Variants in OPCML observed in about 807,000 individuals in gnomAD.
The protein encoded by OPCML is opioid binding protein/cell adhesion molecule like, also known as opioid-binding protein/cell adhesion molecule.
A neutral mutation model predicts 37.8 loss-of-function variants in OPCML; 13 were observed. The observed-to-expected ratio is 0.34, with a 90% CI of 0.22 to 0.55. The LOEUF (loss-of-function observed/expected upper bound fraction) is 0.55, where lower values mean the gene tolerates loss of function less well. Ranked by LOEUF, OPCML falls within the 20% of genes least tolerant of loss-of-function variation. The pLI, the probability that OPCML is intolerant of heterozygous loss-of-function variation, is 0.91. For synonymous variants in OPCML, 176 were observed against 168.8 expected (o/e 1.04, Z -0.33); for missense variants, 341 against 435.6 (o/e 0.78, Z 1.93).
intron 4 of OPCML, among the ~76,000 whole-genome samples, chr11:132,455,620 G>T (rs2096080131): frequency 6.6e-6 from 1 of 152,102 alleles, no homozygotes; most frequent in Non-Finnish European, 1.5e-5. Context: ...TTTCAAAACG[G>T]TCTCAGTGTA....
chr11:132,701,394 A>G (rs1252529253), intron 2 of OPCML, among the ~76,000 whole-genome samples: 1 of 152,180 alleles, frequency 6.6e-6, no homozygotes, highest in Non-Finnish European at 1.5e-5. Flanking sequence ...AACCATATCA[A>G]TGACCATTTT....
At chr11:133,477,067 A>C (rs555208802) in intron 1 of OPCML, among the ~76,000 whole-genome samples, 1 of 152,286 alleles carries the variant, frequency 6.6e-6, no homozygotes, top group African/African-American at 2.4e-5. Context: ...GAGGTTTGCC[A>C]CAGGAAGGTC....
At chr11:132,847,319 T>A (rs558009434) in intron 2 of OPCML, among the ~76,000 whole-genome samples, 1 of 152,286 alleles carries the variant, frequency 6.6e-6, no homozygotes, top group South Asian at 2.1e-4. Flanking sequence ...TAGATGTATA[T>A]CCATTGCATT....
At position 133,156,025 on chromosome 11, in the gene OPCML, C is replaced by T. The variant is rs550352585; in HGVS notation, c.62-213015G>A. Among the ~76,000 whole-genome samples, 5 of 152,278 alleles carry T rather than the reference C, an allele frequency of 3.3e-5. No homozygotes were observed. In the East Asian group the frequency reaches 9.7e-4, roughly 29 times the overall value. Reference sequence around the variant, plus strand: ...ATCGGAGAGCAAGACACTCTGCCACCAGTATTCATTTCTCACCAGTCCATT... The same window carrying T: ...ATCGGAGAGCAAGACACTCTGCCACTAGTATTCATTTCTCACCAGTCCATT... On this transcript the variant is annotated intron_variant, in intron 1 of 7. Coordinates refer to ENST00000524381, the MANE Select transcript of OPCML (RefSeq NM_001012393.5).
intron 2 of OPCML, among the ~76,000 whole-genome samples, chr11:132,687,970 C>T (rs1427953497): frequency 1.3e-5 from 2 of 152,214 alleles, no homozygotes; most frequent in East Asian, 3.9e-4. Context: ...CTTAAAAAAT[C>T]TAGGGATAAC....
chr11:133,425,588 T>G (rs912971450), intron 1 of OPCML, among the ~76,000 whole-genome samples: 1 of 152,182 alleles, frequency 6.6e-6, no homozygotes, highest in Non-Finnish European at 1.5e-5. Flanking sequence ...ACAACTTCTA[T>G]CCTTACAACA....
intron 1 of OPCML, among the ~76,000 whole-genome samples, chr11:133,128,424 C>T (rs1164921072): frequency 6.6e-6 from 1 of 152,182 alleles, no homozygotes; most frequent in Non-Finnish European, 1.5e-5. Context: ...GGGGAATAAT[C>T]TCCAGAAAGG....
Position 132,559,414 on chromosome 11 carries a change from AAGC to A in OPCML, c.380-30231_380-30229del, listed in dbSNP as rs1315333029. On this transcript the variant is annotated intron_variant, in intron 3 of 7. Coordinates refer to ENST00000524381, the MANE Select transcript of OPCML (RefSeq NM_001012393.5). ...CAGGGTCACAGGATACATTTATCAGAAGCTTTTAAGGAAGTGTTTAAGAGCAGC... is the reference window on the plus strand; with the variant it reads ...CAGGGTCACAGGATACATTTATCAGATTTTAAGGAAGTGTTTAAGAGCAGC... 2.0e-5 allele frequency among the ~76,000 whole-genome samples: 3 copies of A among 152,186 alleles called. No individual in the cohort carries two copies. The East Asian group carries it at 5.8e-4, about 29-fold the overall frequency.
chr11:132,835,473 C>A (rs189345536), intron 2 of OPCML, among the ~76,000 whole-genome samples: 95 of 152,296 alleles, frequency 6.2e-4, no homozygotes, highest in Non-Finnish European at 1.0e-3. Context: ...TTGTCTAGAA[C>A]CAGAGTCTGT....
chr11:133,288,091 G>A (rs1032754927), intron 1 of OPCML, among the ~76,000 whole-genome samples: 2 of 152,210 alleles, frequency 1.3e-5, no homozygotes, highest in Non-Finnish European at 2.9e-5. Context: ...CTTATTGTGT[G>A]TCCATGATAG....
chr11:132,429,918 A>G (rs569068069), intron 7 of OPCML, among the ~76,000 whole-genome samples: 39 of 152,244 alleles, frequency 2.6e-4, no homozygotes, highest in African/African-American at 9.4e-4. Flanking sequence ...CTGATAGGGC[A>G]GGTGCCGGAG....
chr11:133,319,153 C>T (rs1285089400), intron 1 of OPCML, among the ~76,000 whole-genome samples: 3 of 152,192 alleles, frequency 2.0e-5, no homozygotes, highest in Non-Finnish European at 2.9e-5. Flanking sequence ...TTTTAAATTT[C>T]ATTTTCACCT....
chr11:133,032,628 T>A, intron 1 of OPCML, among the ~76,000 whole-genome samples: 1 of 152,176 alleles, frequency 6.6e-6, no homozygotes, highest in Non-Finnish European at 1.5e-5. Flanking sequence ...TAATCCCACA[T>A]ACATGCACAA....
At chr11:133,341,396 T>A (rs187589903) in intron 1 of OPCML, among the ~76,000 whole-genome samples, 2 of 152,158 alleles carry the variant, frequency 1.3e-5, no homozygotes, top group South Asian at 4.1e-4. Flanking sequence ...TAAGTTTCCT[T>A]GAGTCGCCTT....
At chr11:132,891,869 T>G (rs1943662404) in intron 2 of OPCML, among the ~76,000 whole-genome samples, 1 of 152,192 alleles carries the variant, frequency 6.6e-6, no homozygotes, top group Non-Finnish European at 1.5e-5. Flanking sequence ...AAACATCCTC[T>G]CTTCATCCCG....
chr11:132,915,213 C>G (rs1454141392), intron 2 of OPCML, among the ~76,000 whole-genome samples: 1 of 152,182 alleles, frequency 6.6e-6, no homozygotes, highest in Non-Finnish European at 1.5e-5. Flanking sequence ...CCCTATCTCC[C>G]CATTTTCAAC....
intron 3 of OPCML, among the ~76,000 whole-genome samples, chr11:132,640,454 T>G (rs539617327): frequency 6.6e-6 from 1 of 152,328 alleles, no homozygotes; most frequent in Admixed American, 6.5e-5. Context: ...GTAGTTTATT[T>G]GTTCACCCAC....
chr11:132,851,251 G>C (rs1219133244), intron 2 of OPCML, among the ~76,000 whole-genome samples: 1 of 152,188 alleles, frequency 6.6e-6, no homozygotes, highest in East Asian at 1.9e-4. Context: ...CTCACTGCTA[G>C]ATTTGAATTT....
intron 1 of OPCML, chr11:133,423,356 C>T (rs1462500431): frequency 1.0e-5 from 10 of 985,378 alleles, no homozygotes; most frequent in Non-Finnish European, 1.2e-5. Context: ...GAGCTAGCTG[C>T]AGATAACTGA....
Sources: allele counts gnomAD v4.1 joint callset (sites outside exome capture counted in the v4.1 genomes callset), GRCh38; gene constraint gnomAD v4.1.1; transcripts MANE v1.5; gene names NCBI Gene and HGNC (gene_info 2026-07-23, HGNC 2026-07-21).